Variants in PIEZO2 observed in about 807,000 individuals in gnomAD.
PIEZO2 encodes piezo-type mechanosensitive ion channel component 2.
Under a neutral mutation model 337.3 loss-of-function variants are expected in PIEZO2, and 172 were observed. The ratio of observed to expected loss-of-function variants is 0.51; its 90% CI spans 0.45 to 0.58. The LOEUF (loss-of-function observed/expected upper bound fraction) is 0.58, where lower values mean the gene tolerates loss of function less well. PIEZO2 is among the 20% of genes least tolerant of loss of function. PIEZO2 has a pLI of 0.00. For missense variants in PIEZO2, 3,028 were observed against 3,391.3 expected, an observed-to-expected ratio of 0.89 and a Z score of 2.66; for synonymous variants, 1,251 against 1,228.5, an observed-to-expected ratio of 1.02 and a Z score of -0.38.
rs187291619 is a variant in PIEZO2, at chr18:10,952,671, T to G, written c.286+26864A>C. 6.6e-6 allele frequency among the ~76,000 whole-genome samples: 1 copy of G among 152,320 alleles called. No homozygotes were observed. The highest frequency in any genetic ancestry group is 1.9e-4 in the East Asian group (1 of 5,192). ...TAAACATTTGCTTAAAATTTTAAAGTCAAATTTTCACTTCACCGGAGGAAA... is the reference window on the plus strand; with the variant it reads ...TAAACATTTGCTTAAAATTTTAAAGGCAAATTTTCACTTCACCGGAGGAAA... On this transcript the variant is annotated intron_variant, in intron 3 of 55. Transcript: ENST00000674853. This position sits in a 1 kb window ranked among gnomAD's most constrained non-coding sequence, Gnocchi z 4.1.
chr18:10,685,587 A>G (rs905342095), intron 49 of PIEZO2, among the ~76,000 whole-genome samples: 9 of 152,142 alleles, frequency 5.9e-5, no homozygotes, highest in African/African-American at 1.7e-4. Flanking sequence ...GAAAAATGTC[A>G]CCTGGTGGCT....
chr18:10,934,676 T>TGTGTGTGTGTGTGTTG (rs1262604126), intron 3 of PIEZO2, among the ~76,000 whole-genome samples: 1 of 150,404 alleles, frequency 6.6e-6, no homozygotes, highest in East Asian at 1.9e-4. Flanking sequence ...TGTGTGTGTG[T>TGTGTGTGTGTGTGTTG]GTGTGTTGGG....
intron 52 of PIEZO2, among the ~76,000 whole-genome samples, chr18:10,678,809 A>G (rs1162657627): frequency 6.6e-6 from 1 of 151,066 alleles, no homozygotes; most frequent in East Asian, 1.9e-4. Flanking sequence ...ACTCTCAGGA[A>G]GTCTCTCTCT....
chr18:10,692,350 T>A (rs1407918934), intron 47 of PIEZO2, among the ~76,000 whole-genome samples: 1 of 152,234 alleles, frequency 6.6e-6, no homozygotes, highest in African/African-American at 2.4e-5. Context: ...GAGTTTGGTA[T>A]AATCTTCTCT....
At chr18:10,730,739 A>AT (rs1382260966) in intron 36 of PIEZO2, among the ~76,000 whole-genome samples, 4 of 151,812 alleles carry the variant, frequency 2.6e-5, no homozygotes, top group Admixed American at 6.6e-5. Context: ...CTATTTATTT[A>AT]TTTTTTAGAC....
chr18:10,726,523 T>C lies in PIEZO2; in HGVS notation c.5029+4884A>G, dbSNP rs919048326. ...GCAAGCAGCCGTTCCTGTGGCGCGCTGCGCTGCTCTGCTCTGCTACACCAG... is the reference window on the plus strand; with the variant it reads ...GCAAGCAGCCGTTCCTGTGGCGCGCCGCGCTGCTCTGCTCTGCTACACCAG... On this transcript the variant is annotated intron_variant, in intron 36 of 55. Transcript: ENST00000674853. This position sits in a 1 kb window ranked among gnomAD's most constrained non-coding sequence, Gnocchi z 5.9. The C allele has an allele frequency of 1.4e-5, 21 of 1,466,478 alleles. No homozygotes were observed. The highest frequency in any genetic ancestry group is 1.9e-5 in the Non-Finnish European group (21 of 1,108,070). The allele number at this position is 1,466,478 out of a possible 1,614,324, so 90.8% of individuals were successfully genotyped here. A position where few individuals can be genotyped will look rare whatever the true frequency, so the allele number is the denominator to read the frequency against.
rs529595947 is a variant in PIEZO2, at chr18:10,671,437, C to T, written c.*90G>A. On this transcript the variant is annotated 3_prime_UTR_variant, in exon 56 of 56. Coordinates refer to ENST00000674853, the MANE Select transcript of PIEZO2 (RefSeq NM_001378183.1). ...CAGAAGAGAAACAAACCATTTCCGT[C>T]GAACTAGAAATGCTTAGCTCTTATG... 1.5e-4 allele frequency: 202 copies of T among 1,349,004 alleles called. No homozygotes were observed. In the South Asian group the frequency reaches 2.8e-3, roughly 19 times the overall value. The allele number at this position is 1,349,004 out of a possible 1,614,324, so 83.6% of individuals were successfully genotyped here.
At chr18:10,692,818 C>CT (rs1399635458) in intron 47 of PIEZO2, among the ~76,000 whole-genome samples, 1 of 152,138 alleles carries the variant, frequency 6.6e-6, no homozygotes, top group African/African-American at 2.4e-5. Flanking sequence ...CAATACTGTT[C>CT]TTTTTCAAAG....
At chr18:10,768,408 T>C (rs1354010752) in intron 21 of PIEZO2, among the ~76,000 whole-genome samples, 1 of 152,162 alleles carries the variant, frequency 6.6e-6, no homozygotes, top group African/African-American at 2.4e-5. Context: ...GTGTGCCAAT[T>C]ACATTAGAAA....
chr18:11,008,286 C>A (rs1027511272), intron 2 of PIEZO2, among the ~76,000 whole-genome samples: 1 of 152,208 alleles, frequency 6.6e-6, no homozygotes, highest in African/African-American at 2.4e-5. Context: ...GCTAATCATG[C>A]AAGATGCTTG....
intron 36 of PIEZO2, among the ~76,000 whole-genome samples, chr18:10,730,648 T>C (rs1361165827): frequency 6.6e-6 from 1 of 152,204 alleles, no homozygotes. Flanking sequence ...GTTCCTTTTG[T>C]TTGCTTGTTT....
In PIEZO2 at chr18:10,979,391, C is replaced by A; in HGVS notation, c.286+144G>T. On this transcript the variant is annotated intron_variant, in intron 3 of 55. Transcript: ENST00000674853. This position sits in a 1 kb window ranked among gnomAD's most constrained non-coding sequence, Gnocchi z 4.0. ...AGCTTCTTTATATATATTTACACTGCATTGCCAAAGACCAAAAATTTCCAT... is the reference window on the plus strand; with the variant it reads ...AGCTTCTTTATATATATTTACACTGAATTGCCAAAGACCAAAAATTTCCAT... 1 of 798,114 alleles carries A rather than the reference C, an allele frequency of 1.3e-6. No individual in the cohort carries two copies. The highest frequency in any genetic ancestry group is 3.6e-5 in the South Asian group (1 of 27,608). 49.4% of individuals were successfully genotyped at this position (798,114 alleles called of 1,614,324 possible).
chr18:10,704,604 C>A lies in PIEZO2; in HGVS notation c.6048G>T (p.Gly2016=). 6.5e-7 allele frequency: 1 copy of A among 1,537,236 alleles called. No individual in the cohort carries two copies. Among genetic ancestry groups the A allele is most frequent in the Non-Finnish European group, 8.7e-7 (1 of 1,146,900 alleles). ...ELEESEKFYV[G]QPRFLLLFYA... The stretch of plus-strand genomic sequence containing the variant: ...AGAAGAGCAGCAGAAATCGGGGCTG[C>A]CCCACGTAGAATTTCTCTGACTCTT... Residue 2016 remains glycine, a synonymous_variant, in exon 42 of 56, where the codon GGG becomes GGT. Coordinates refer to ENST00000674853, the MANE Select transcript of PIEZO2 (RefSeq NM_001378183.1).
intron 3 of PIEZO2, among the ~76,000 whole-genome samples, chr18:10,924,057 A>T (rs1439292565): frequency 6.6e-6 from 1 of 152,252 alleles, no homozygotes; most frequent in African/African-American, 2.4e-5. Context: ...TTAAATGAAT[A>T]ATGCTGCCAG....
rs368303747 is a variant in PIEZO2, at chr18:10,746,067, C to A, written c.4425-1836G>T. ...CCTCTGGAATATCTTTCTCAGTGAT[C>A]CTATCCTGGTCTAGCTGCTATCTCT... is the stretch of plus-strand genomic sequence containing the variant. On this transcript the variant is annotated intron_variant, in intron 30 of 55. Coordinates refer to ENST00000674853, the MANE Select transcript of PIEZO2 (RefSeq NM_001378183.1). The surrounding 1 kb of genome is among the most constrained non-coding windows in gnomAD (Gnocchi z 4.2). 1.3e-5 allele frequency among the ~76,000 whole-genome samples: 2 copies of A among 152,214 alleles called. No homozygotes were observed. Among genetic ancestry groups the A allele is most frequent in the East Asian group, 3.9e-4 (2 of 5,188 alleles).
chr18:10,836,080 C>T (rs1471888123), intron 7 of PIEZO2, among the ~76,000 whole-genome samples: 3 of 152,082 alleles, frequency 2.0e-5, no homozygotes, highest in Admixed American at 6.5e-5. Flanking sequence ...TGTGATGATT[C>T]CCCCAGGTAC....
rs1165660347 is a variant in PIEZO2, at chr18:10,855,465, T to C, written c.805A>G (p.Ser269Gly). The change falls in exon 7 of 56, where the codon AGC becomes GGC. Residue 269 changes from serine to glycine, a missense_variant. Physicochemically the swap from Ser to Gly is moderately conservative, Grantham distance 56. Transcript: ENST00000674853. The surrounding 1 kb of genome is among the most constrained non-coding windows in gnomAD (Gnocchi z 4.9). ...WCRTFDPLLF[S>G]CLCVLLAIFT... ...ATAGCCAGCAGAACACAGAGACAGC[T>C]GAACAGCAATGGGTCGAACGTCCGG... The C allele has an allele frequency of 6.5e-7, 1 of 1,536,960 alleles. No homozygotes were observed. Among genetic ancestry groups the C allele is most frequent in the Non-Finnish European group, 8.7e-7 (1 of 1,146,862 alleles).
At chr18:11,059,011 G>C (rs1218377469) in intron 2 of PIEZO2, among the ~76,000 whole-genome samples, 3 of 152,304 alleles carry the variant, frequency 2.0e-5, no homozygotes, top group Middle Eastern at 3.4e-3. Flanking sequence ...AGAGAGAAAG[G>C]TTGGGTTACC....
At chr18:10,764,238 G>C (rs1255794182) in intron 21 of PIEZO2, among the ~76,000 whole-genome samples, 1 of 152,168 alleles carries the variant, frequency 6.6e-6, no homozygotes, top group East Asian at 1.9e-4. Context: ...AATATTCTCA[G>C]GTAGAAATAA....
Sources: allele counts gnomAD v4.1 joint callset (sites outside exome capture counted in the v4.1 genomes callset), GRCh38; gene constraint gnomAD v4.1.1; non-coding constraint Gnocchi (gnomAD v3.1); transcripts MANE v1.5; gene names NCBI Gene and HGNC (gene_info 2026-07-23, HGNC 2026-07-21).